Variants in MARCHF3 observed in about 807,000 individuals in gnomAD.
The protein encoded by MARCHF3 is membrane associated ring-CH-type finger 3.
MARCHF3 carries 13 observed loss-of-function variants against 24.2 expected under a neutral mutation model. The ratio of observed to expected loss-of-function variants is 0.54; its 90% CI spans 0.35 to 0.85. MARCHF3 has a LOEUF of 0.85. MARCHF3 is among the 40% of genes least tolerant of loss of function. The pLI is 0.01. For synonymous variants in MARCHF3, 144 were observed against 137.3 expected (o/e 1.05, Z -0.34); for missense variants, 276 against 325.0 (o/e 0.85, Z 1.16).
rs1014512489 is a variant in MARCHF3, at chr5:126,869,831, A to T, written c.*802T>A. On this transcript the variant is annotated 3_prime_UTR_variant, in exon 5 of 5. Transcript: ENST00000308660. Reference sequence around the variant, plus strand: ...GGGAAACTTCACAGGTTTTATCATTAAAAAAAGAGTATTGCAATCAGTGGG... The same window carrying T: ...GGGAAACTTCACAGGTTTTATCATTTAAAAAAGAGTATTGCAATCAGTGGG... The T allele has an allele frequency of 2.6e-5, 4 of 152,498 alleles. No homozygotes were observed. The highest frequency in any genetic ancestry group is 7.2e-5 in the African/African-American group (3 of 41,472). 9.4% of individuals were successfully genotyped at this position (152,498 alleles called of 1,614,324 possible). A position where few individuals can be genotyped will look rare whatever the true frequency, so the allele number is the denominator to read the frequency against.
chr5:126,974,816 C>T (rs545262309), intron 1 of MARCHF3, among the ~76,000 whole-genome samples: 1 of 152,286 alleles, frequency 6.6e-6, no homozygotes, highest in African/African-American at 2.4e-5. Context: ...TTGAGCATTA[C>T]TTTATTCCAA....
chr5:126,920,671 G>A (rs918144080), intron 1 of MARCHF3, among the ~76,000 whole-genome samples: 2 of 152,114 alleles, frequency 1.3e-5, no homozygotes, highest in Non-Finnish European at 2.9e-5. Flanking sequence ...CCAGTAGTTA[G>A]GCTACCCTCA....
chr5:126,878,123 T>C lies in MARCHF3; in HGVS notation c.603+62A>G. 5.9e-6 allele frequency: 9 copies of C among 1,526,794 alleles called. No homozygotes were observed. In the South Asian group the frequency reaches 1.0e-4, roughly 17 times the overall value. 94.6% of individuals were successfully genotyped at this position (1,526,794 alleles called of 1,614,324 possible). A position where few individuals can be genotyped will look rare whatever the true frequency, so the allele number is the denominator to read the frequency against. The stretch of plus-strand genomic sequence containing the variant: ...TGTGTTACAGACAAGAGGAAAGGCT[T>C]GTGCCAGCTGTGAGGCTGCCAGCTC... On this transcript the variant is annotated intron_variant, in intron 4 of 4. Transcript: ENST00000308660.
chr5:127,021,143 A>T (rs572675460), intron 1 of MARCHF3, among the ~76,000 whole-genome samples: 8 of 151,436 alleles, frequency 5.3e-5, no homozygotes, highest in African/African-American at 1.5e-4. Context: ...TCAGCCATGT[A>T]GAGTTTTAAA....
intron 3 of MARCHF3, among the ~76,000 whole-genome samples, chr5:126,892,304 G>A (rs1030405318): frequency 1.3e-4 from 19 of 150,314 alleles, no homozygotes; most frequent in Admixed American, 6.6e-4. Flanking sequence ...TAATTGCCCT[G>A]GCCAGCACTT....
At chr5:126,927,272 T>C (rs1013923386) in intron 1 of MARCHF3, among the ~76,000 whole-genome samples, 9 of 152,198 alleles carry the variant, frequency 5.9e-5, no homozygotes, top group Non-Finnish European at 1.3e-4. Context: ...GATCACTTTA[T>C]CACTTGCTGT....
chr5:127,007,907 T>C (rs917659184), intron 1 of MARCHF3, among the ~76,000 whole-genome samples: 4 of 152,122 alleles, frequency 2.6e-5, no homozygotes, highest in Admixed American at 2.6e-4. Context: ...ATTATACAAA[T>C]ACATATATGG....
chr5:126,900,523 C>T (rs1309952133), intron 3 of MARCHF3, among the ~76,000 whole-genome samples: 1 of 151,796 alleles, frequency 6.6e-6, no homozygotes, highest in Non-Finnish European at 1.5e-5. Flanking sequence ...TCACTAGAAC[C>T]CAACTATGTC....
intron 1 of MARCHF3, among the ~76,000 whole-genome samples, chr5:127,008,437 T>C (rs551607396): frequency 4.5e-4 from 69 of 152,262 alleles, no homozygotes; most frequent in African/African-American, 1.6e-3. Flanking sequence ...AGAGTCTGGG[T>C]GAATCCACTC....
At chr5:126,881,374 C>G (rs185466496) in intron 3 of MARCHF3, among the ~76,000 whole-genome samples, 1 of 152,100 alleles carries the variant, frequency 6.6e-6, no homozygotes, top group Non-Finnish European at 1.5e-5. Flanking sequence ...AATCATCCAT[C>G]CTCATTGAGG....
At chr5:126,966,819 A>G (rs372317756) in intron 1 of MARCHF3, among the ~76,000 whole-genome samples, 10 of 145,718 alleles carry the variant, frequency 6.9e-5, no homozygotes, top group African/African-American at 2.0e-4. Flanking sequence ...GTTTGCTTTT[A>G]TGCTAACAGT....
intron 1 of MARCHF3, among the ~76,000 whole-genome samples, chr5:126,966,293 A>C (rs1166982711): frequency 6.6e-6 from 1 of 152,212 alleles, no homozygotes; most frequent in Non-Finnish European, 1.5e-5. Context: ...ATTTGTCAAA[A>C]GCATTCAACT....
intron 1 of MARCHF3, among the ~76,000 whole-genome samples, chr5:127,002,329 G>A (rs530721792): frequency 6.6e-6 from 1 of 152,282 alleles, no homozygotes; most frequent in South Asian, 2.1e-4. Flanking sequence ...TAGTTTTCAA[G>A]TTCCTTTCCT....
rs143299575 is a variant in MARCHF3 at position 126,921,703 on chromosome 5, C to G, written c.-56-3476G>C. On this transcript the variant is annotated intron_variant, in intron 1 of 4. Transcript: ENST00000308660. ...ACTTCCCAGTCTACCCAAGAATTCT[C>G]TCAGGGAGGGAGCGGTGTATGTGCA... 1.2e-3 allele frequency among the ~76,000 whole-genome samples: 184 copies of G among 152,338 alleles called. 1 individual carries two copies. The highest frequency in any genetic ancestry group is 4.4e-3 in the African/African-American group (181 of 41,576).
chr5:127,017,474 G>A (rs1052640605), intron 1 of MARCHF3, among the ~76,000 whole-genome samples: 13 of 152,080 alleles, frequency 8.5e-5, no homozygotes, highest in African/African-American at 2.4e-4. Context: ...TGAAAATATC[G>A]TATACCAAAA....
chr5:126,931,852 CA>C lies in MARCHF3; in HGVS notation c.-56-13626del, dbSNP rs532043716. 3.4e-3 allele frequency among the ~76,000 whole-genome samples: 518 copies of C among 152,122 alleles called. 1 individual carries two copies. Among genetic ancestry groups the C allele is most frequent in the Non-Finnish European group, 5.4e-3 (370 of 67,980 alleles). On this transcript the variant is annotated intron_variant, in intron 1 of 4. Transcript: ENST00000308660. ...TGTTAACAATTTTCTTTTTAAAAAG[CA>C]AAGCGGGGGAAGGCTATTTGGTGAT...
chr5:126,963,003 G>T (rs1008241030), intron 1 of MARCHF3, among the ~76,000 whole-genome samples: 1 of 151,962 alleles, frequency 6.6e-6, no homozygotes, highest in Non-Finnish European at 1.5e-5. Context: ...GCAACTTGAC[G>T]TTCTCTAAGC....
At chr5:126,932,377 T>C (rs2126804425) in intron 1 of MARCHF3, among the ~76,000 whole-genome samples, 1 of 152,328 alleles carries the variant, frequency 6.6e-6, no homozygotes, top group South Asian at 2.1e-4. Context: ...GACTTTAAAT[T>C]GTGGTTTTAA....
intron 1 of MARCHF3, among the ~76,000 whole-genome samples, chr5:126,954,199 ATTTTTTTT>A (rs750262766): frequency 2.1e-4 from 24 of 114,072 alleles, no homozygotes; most frequent in Admixed American, 4.8e-4. Flanking sequence ...CGCCCGGCTA[ATTTTTTTT>A]TTTTTTTTTT....
Sources: allele counts gnomAD v4.1 joint callset (sites outside exome capture counted in the v4.1 genomes callset), GRCh38; gene constraint gnomAD v4.1.1; transcripts MANE v1.5; gene names NCBI Gene and HGNC (gene_info 2026-07-23, HGNC 2026-07-21).